Variants in MIR2052HG observed in about 807,000 individuals in gnomAD.
MIR2052HG encodes MIR2052 host gene.
At chr8:74,714,454 A>G (rs1214842131) in intron 4 of MIR2052HG, among the ~76,000 whole-genome samples, 1 of 152,238 alleles carries the variant, frequency 6.6e-6, no homozygotes, top group East Asian at 1.9e-4. Flanking sequence ...AATGAAAGTT[A>G]TATAGATTTA....
At chr8:74,733,838 G>A (rs538826132) in intron 4 of MIR2052HG, among the ~76,000 whole-genome samples, 38 of 150,784 alleles carry the variant, frequency 2.5e-4, no homozygotes, top group Admixed American at 4.6e-4. Flanking sequence ...GCCAGTGATG[G>A]TGAGCATTTT....
intron 4 of MIR2052HG, among the ~76,000 whole-genome samples, chr8:74,726,489 G>A (rs928653248): frequency 2.6e-5 from 4 of 152,160 alleles, no homozygotes; most frequent in African/African-American, 9.7e-5. Flanking sequence ...TCCTTTCCAA[G>A]AGAGGTCTAA....
At chr8:74,705,308 A>G (rs1809399243) in intron 4 of MIR2052HG, among the ~76,000 whole-genome samples, 2 of 152,092 alleles carry the variant, frequency 1.3e-5, no homozygotes, top group Non-Finnish European at 2.9e-5. Context: ...TAGTAAAATT[A>G]AAAGTATTTA....
intron 2 of MIR2052HG, among the ~76,000 whole-genome samples, chr8:74,683,426 T>A (rs1809146380): frequency 6.6e-6 from 1 of 152,094 alleles, no homozygotes; most frequent in South Asian, 2.1e-4. Flanking sequence ...AATACAGATG[T>A]GAGGTTCTTG....
chr8:74,743,097 CA>C, intron 4 of MIR2052HG, among the ~76,000 whole-genome samples: 1 of 151,096 alleles, frequency 6.6e-6, no homozygotes, highest in South Asian at 2.1e-4. Flanking sequence ...AAAAAAACAC[CA>C]AAAAACAAAA....
intron 2 of MIR2052HG, among the ~76,000 whole-genome samples, chr8:74,696,844 A>C (rs182105277): frequency 6.6e-6 from 1 of 152,062 alleles, no homozygotes; most frequent in Non-Finnish European, 1.5e-5. Context: ...GCCACAAAAA[A>C]AAAAGTCCAG....
At chr8:74,753,531 G>C (rs144891867) in intron 5 of MIR2052HG, among the ~76,000 whole-genome samples, 1 of 152,192 alleles carries the variant, frequency 6.6e-6, no homozygotes, top group East Asian at 1.9e-4. Flanking sequence ...ACATTCCTTC[G>C]CATCGTGGCC....
chr8:74,671,113 C>CATGT (rs1554575028), intron 2 of MIR2052HG, among the ~76,000 whole-genome samples: 1 of 148,444 alleles, frequency 6.7e-6, no homozygotes, highest in African/African-American at 2.5e-5. Flanking sequence ...TGAGAGTGTA[C>CATGT]GTGTGTGTGT....
chr8:74,606,849 C>A (rs1808118719), intron 1 of MIR2052HG, among the ~76,000 whole-genome samples: 1 of 151,768 alleles, frequency 6.6e-6, no homozygotes, highest in Admixed American at 6.6e-5. Flanking sequence ...ACTTTAAATC[C>A]TAAAGCAAAC....
chr8:74,657,737 C>T (rs535572458), intron 2 of MIR2052HG, among the ~76,000 whole-genome samples: 3 of 152,296 alleles, frequency 2.0e-5, no homozygotes, highest in African/African-American at 4.8e-5. Flanking sequence ...TCTTGTGAGA[C>T]TTTTCACTAT....
At chr8:74,603,735 G>A in intron 1 of MIR2052HG, 2 of 872,530 alleles carry the variant, frequency 2.3e-6, no homozygotes, top group Non-Finnish European at 4.0e-6. Context: ...CGCCCTTCGG[G>A]GGGGACTCCA....
At chr8:74,631,482 G>T (rs1808510411) in intron 2 of MIR2052HG, among the ~76,000 whole-genome samples, 1 of 151,926 alleles carries the variant, frequency 6.6e-6, no homozygotes, top group Non-Finnish European at 1.5e-5. Flanking sequence ...CTACTTTTTT[G>T]ATTCTTAAAC....
At chr8:74,623,446 A>G (rs1364593372) in intron 2 of MIR2052HG, among the ~76,000 whole-genome samples, 3 of 152,228 alleles carry the variant, frequency 2.0e-5, no homozygotes, top group Non-Finnish European at 4.4e-5. Flanking sequence ...GTCGGGGAGA[A>G]AAGTAGAAAA....
chr8:74,751,880 G>T (rs1344053340), intron 4 of MIR2052HG, among the ~76,000 whole-genome samples: 1 of 152,098 alleles, frequency 6.6e-6, no homozygotes, highest in East Asian at 1.9e-4. Context: ...GAAGATGGTT[G>T]GTATATGGAG....
At chr8:74,756,859 A>G (rs976128558) in intron 5 of MIR2052HG, 6 of 152,230 alleles carry the variant, frequency 3.9e-5, no homozygotes, top group Non-Finnish European at 8.8e-5. Flanking sequence ...ATTATTTTCT[A>G]TTAGCTGTTA....
At chr8:74,742,800 T>C (rs80134128) in intron 4 of MIR2052HG, among the ~76,000 whole-genome samples, 483 of 152,286 alleles carry the variant, frequency 3.2e-3, no homozygotes, top group Non-Finnish European at 5.4e-3. Context: ...TGTTGGGATA[T>C]GGGGTTATTA....
At chr8:74,640,210 G>C (rs149258114) in intron 2 of MIR2052HG, among the ~76,000 whole-genome samples, 12,099 of 152,080 alleles carry the variant, frequency 0.08, 681 homozygotes, top group African/African-American at 0.15. Context: ...TGTAATCCTA[G>C]CACTTTGGGA....
rs570389927 is a variant in MIR2052HG, at chr8:74,744,657, A to G, written n.372-7784A>G. ...ATGTCCCTACAAAGGACATGAACTC[A>G]TCATTTTTTCTGGCTGCATAGTATT... On this transcript the variant is annotated intron_variant and non_coding_transcript_variant, in intron 4 of 6. Transcript: ENST00000523442. 8.5e-5 allele frequency among the ~76,000 whole-genome samples: 13 copies of G among 152,288 alleles called. No individual in the cohort carries two copies. In the East Asian group the frequency reaches 2.3e-3, roughly 27 times the overall value.
At chr8:74,644,963 G>C (rs1261292686) in intron 2 of MIR2052HG, among the ~76,000 whole-genome samples, 1 of 152,070 alleles carries the variant, frequency 6.6e-6, no homozygotes. Flanking sequence ...CCAACCACTT[G>C]TCTTGGAGCC....
Sources: gnomAD v4.1 joint callset for allele counts (sites outside exome capture counted in the v4.1 genomes callset) on GRCh38, gnomAD v4.1.1 for gene constraint, MANE v1.5 for transcripts, NCBI Gene and HGNC (gene_info 2026-07-23, HGNC 2026-07-21) for gene names.